The following HMGB1 variants were observed in gnomAD, a reference collection of about 807,000 sequenced individuals.
HMGB1 encodes high mobility group box 1.
For missense variants in HMGB1, 79 were observed against 253.5 expected (o/e 0.31, Z 4.67); for synonymous variants, 81 against 84.0 (o/e 0.96, Z 0.19).
At position 30,462,500 on chromosome 13, in the gene HMGB1, C is replaced by T. The variant is rs749178584; in HGVS notation, c.471+38G>A. On this transcript the variant is annotated intron_variant, in intron 4 of 4. Transcript: ENST00000341423. ...TAAGTACAATCATACATCTGGCGTA[C>T]TTGTCATCATTTTACCAAGCAAACC... 3.9e-6 allele frequency: 6 copies of T among 1,519,172 alleles called. No homozygotes were observed. The East Asian group carries it at 9.0e-5, about 23-fold the overall frequency. 94.1% of individuals were successfully genotyped at this position (1,519,172 alleles called of 1,614,324 possible). A position where few individuals can be genotyped will look rare whatever the true frequency, so the allele number is the denominator to read the frequency against.
rs116585452 is a variant in HMGB1 at position 30,559,382 on chromosome 13, C to T, written c.-15+57289G>A. ...AACTCCCAATCCCGGTAAGATGGCC[C>T]GAGTTTCATTGCTGGTTTACTAGTT... On this transcript the variant is annotated intron_variant, in intron 1 of 4. Coordinates refer to the HMGB1 transcript ENST00000405805. This position sits in a 1 kb window ranked among gnomAD's most constrained non-coding sequence, Gnocchi z 6.6. 0.018 allele frequency among the ~76,000 whole-genome samples: 2,781 copies of T among 152,114 alleles called. 31 individuals carry two copies. Among genetic ancestry groups the T allele is most frequent in the African/African-American group, 0.035 (1,464 of 41,498 alleles).
intron 1 of HMGB1, among the ~76,000 whole-genome samples, chr13:30,567,817 A>G (rs761962775): frequency 6.6e-6 from 1 of 152,188 alleles, no homozygotes; most frequent in Admixed American, 6.5e-5. Flanking sequence ...CCCACACCAC[A>G]TGAAGGAACT....
chr13:30,482,049 T>C (rs7325561), intron 1 of HMGB1, among the ~76,000 whole-genome samples: 149,015 of 152,158 alleles, frequency 0.98, 73,050 homozygotes, highest in East Asian at 1. Flanking sequence ...AGGCTGGTCT[T>C]GAACTCCTGA....
intron 1 of HMGB1, among the ~76,000 whole-genome samples, chr13:30,488,946 C>T (rs1887426379): frequency 6.6e-6 from 1 of 151,922 alleles, no homozygotes; most frequent in African/African-American, 2.4e-5. Flanking sequence ...AAAAGGAGGA[C>T]CTGAAATGAA....
intron 1 of HMGB1, among the ~76,000 whole-genome samples, chr13:30,567,823 G>C (rs1870254532): frequency 1.3e-5 from 2 of 152,260 alleles, no homozygotes; most frequent in African/African-American, 4.8e-5. Context: ...CCACATGAAG[G>C]AACTTCTAGC....
chr13:30,577,465 C>T (rs1227761185), intron 1 of HMGB1, among the ~76,000 whole-genome samples: 3 of 152,122 alleles, frequency 2.0e-5, no homozygotes, highest in Non-Finnish European at 4.4e-5. Context: ...TTGCTTGCAC[C>T]GCCCAGTCTG....
In HMGB1 at chr13:30,458,156, C is replaced by A. The variant is rs1886070163; in HGVS notation, c.*3201G>T. On this transcript the variant is annotated 3_prime_UTR_variant, in exon 5 of 5. Coordinates refer to ENST00000341423, the MANE Select transcript of HMGB1 (RefSeq NM_002128.7). ...CTTACTGCTACTGAAAGCTATCAGA[C>A]CCTTTCAGGAGGCGTGTTGTACCAA... The A allele has an allele frequency of 6.6e-6, 1 of 152,100 alleles. No homozygotes were observed. Among genetic ancestry groups the A allele is most frequent in the African/African-American group, 2.4e-5 (1 of 41,412 alleles). The allele number at this position is 152,100 out of a possible 1,614,324, so 9.4% of individuals were successfully genotyped here.
intron 1 of HMGB1, chr13:30,616,569 T>A (rs1004358126): frequency 1.3e-5 from 2 of 152,226 alleles, no homozygotes; most frequent in Non-Finnish European, 2.9e-5. Flanking sequence ...TCTCCAATTT[T>A]AATCACAATT....
Position 30,463,197 on chromosome 13 carries a change from A to C in HMGB1, c.296+10T>G, listed in dbSNP as rs1565994366. 6.3e-7 allele frequency: 1 copy of C among 1,598,586 alleles called. No homozygotes were observed. Among genetic ancestry groups the C allele is most frequent in the South Asian group, 1.1e-5 (1 of 87,198 alleles). ...CGTGTCTGGGAAGTAAAAACAGGCA[A>C]GATACTCACGGAGGCCTCTTGGGTG... On this transcript the variant is annotated intron_variant, in intron 3 of 4. Coordinates refer to ENST00000341423, the MANE Select transcript of HMGB1 (RefSeq NM_002128.7).
intron 1 of HMGB1, among the ~76,000 whole-genome samples, chr13:30,507,887 T>C (rs1164889361): frequency 6.6e-6 from 1 of 152,110 alleles, no homozygotes; most frequent in East Asian, 1.9e-4. Flanking sequence ...TCCCAGCTAT[T>C]AAGGAAGGCT....
chr13:30,497,513 T>C (rs1351162126), intron 1 of HMGB1, among the ~76,000 whole-genome samples: 1 of 151,692 alleles, frequency 6.6e-6, no homozygotes, highest in Non-Finnish European at 1.5e-5. Flanking sequence ...AGGTAAATTT[T>C]GTGTCATGGG....
intron 1 of HMGB1, among the ~76,000 whole-genome samples, chr13:30,582,388 C>A (rs1049026084): frequency 1.3e-5 from 2 of 152,156 alleles, no homozygotes; most frequent in African/African-American, 4.8e-5. Context: ...CCTGTAATCC[C>A]AGCACTTTGG....
At chr13:30,548,076 G>A (rs1869247202) in intron 1 of HMGB1, among the ~76,000 whole-genome samples, 1 of 152,152 alleles carries the variant, frequency 6.6e-6, no homozygotes, top group African/African-American at 2.4e-5. Context: ...GTTTTAAAAT[G>A]ATCATAAGCA....
chr13:30,466,302 C>CT (rs903162578), upstream of HMGB1, among the ~76,000 whole-genome samples: 1 of 151,830 alleles, frequency 6.6e-6, no homozygotes, highest in East Asian at 1.9e-4. Context: ...GGTCTCCCCC[C>CT]CCCTTCTTGC....
At chr13:30,494,460 C>T (rs1887566984) in intron 1 of HMGB1, among the ~76,000 whole-genome samples, 1 of 151,960 alleles carries the variant, frequency 6.6e-6, no homozygotes. Context: ...CTCCTAGGTT[C>T]AAGCGATTCT....
intron 1 of HMGB1, among the ~76,000 whole-genome samples, chr13:30,500,088 C>T (rs1219243122): frequency 6.6e-6 from 1 of 152,136 alleles, no homozygotes; most frequent in Non-Finnish European, 1.5e-5. Context: ...TTGGCTCTCA[C>T]AGGAGTGAGC....
intron 1 of HMGB1, among the ~76,000 whole-genome samples, chr13:30,509,450 C>G (rs1437978873): frequency 6.6e-6 from 1 of 152,052 alleles, no homozygotes; most frequent in East Asian, 1.9e-4. Flanking sequence ...TGTTGGCCAG[C>G]TGGTCTTAAA....
chr13:30,607,337 G>A (rs1052811781), intron 1 of HMGB1, among the ~76,000 whole-genome samples: 8 of 152,204 alleles, frequency 5.3e-5, no homozygotes, highest in African/African-American at 1.9e-4. Context: ...GGAGAAGCCT[G>A]GTGCGAAAGG....
chr13:30,553,833 G>T, intron 1 of HMGB1: 1 of 1,357,594 alleles, frequency 7.4e-7, no homozygotes, highest in Non-Finnish European at 1.1e-6. Context: ...AAGCCCATAT[G>T]ATCACAGTCG....
Sources: allele counts gnomAD v4.1 joint callset (sites outside exome capture counted in the v4.1 genomes callset), GRCh38; gene constraint gnomAD v4.1.1; non-coding constraint Gnocchi (gnomAD v3.1); transcripts MANE v1.5; gene names NCBI Gene and HGNC (gene_info 2026-07-23, HGNC 2026-07-21).